The following FBXW8 variants were observed in gnomAD, a reference collection of about 807,000 sequenced individuals.
FBXW8 encodes F-box and WD repeat domain containing 8.
A neutral mutation model predicts 65.3 loss-of-function variants in FBXW8; 57 were observed. The observed-to-expected ratio is 0.87, with a 90% CI of 0.71 to 1.09. The LOEUF is 1.09. FBXW8 is among the 50% of genes least tolerant of loss of function. The probability of loss-of-function intolerance (pLI) is 0.00; values close to 1 mark genes in which losing one functional copy is unlikely to be tolerated. For synonymous variants in FBXW8, 308 were observed against 330.2 expected (o/e 0.93, Z 0.73); for missense variants, 777 against 814.8 (o/e 0.95, Z 0.57).
intron 2 of FBXW8, among the ~76,000 whole-genome samples, chr12:116,933,637 T>C (rs888769476): frequency 6.6e-6 from 1 of 152,238 alleles, no homozygotes; most frequent in South Asian, 2.1e-4. Context: ...TATATAAGAA[T>C]AGAAAATATT....
intron 4 of FBXW8, among the ~76,000 whole-genome samples, chr12:116,959,254 C>T (rs1000358542): frequency 6.6e-6 from 1 of 152,178 alleles, no homozygotes; most frequent in Non-Finnish European, 1.5e-5. Context: ...GGGGCTGTGT[C>T]CTGCAAACCT....
chr12:116,949,571 G>T (rs748455020), intron 3 of FBXW8, 47 bp from the exon 4 acceptor site: 1 of 1,561,532 alleles, frequency 6.4e-7, no homozygotes, highest in South Asian at 1.1e-5. Flanking sequence ...TGGCTTTCGG[G>T]CTGTCCCGAG....
chr12:116,985,279 G>A lies in FBXW8; in HGVS notation c.909G>A (p.Gln303=). 2 of 1,614,198 alleles carry A rather than the reference G, an allele frequency of 1.2e-6. No homozygotes were observed. The highest frequency in any genetic ancestry group is 1.7e-6 in the Non-Finnish European group (2 of 1,180,040). ...VHRFEHDARI[Q]ALALSQDDAT... ...GTTTTGAGCACGATGCAAGAATACAGGCACTAGCCCTCAGCCAGGACGATG... is the reference window on the plus strand; with the variant it reads ...GTTTTGAGCACGATGCAAGAATACAAGCACTAGCCCTCAGCCAGGACGATG... The change falls in exon 6 of 11, where the codon CAG becomes CAA. Residue 303 remains glutamine, a synonymous_variant. Coordinates refer to ENST00000652555, the MANE Select transcript of FBXW8 (RefSeq NM_153348.3).
chr12:116,973,898 A>C (rs79018436), intron 5 of FBXW8, among the ~76,000 whole-genome samples: 2,301 of 152,366 alleles, frequency 0.015, 53 homozygotes, highest in African/African-American at 0.046. Flanking sequence ...TTTTTGAGAA[A>C]GATGAAGTAA....
intron 2 of FBXW8, among the ~76,000 whole-genome samples, chr12:116,929,954 T>C (rs1555216908): frequency 6.6e-6 from 1 of 152,232 alleles, no homozygotes; most frequent in Non-Finnish European, 1.5e-5. Context: ...TGTGGCTGGC[T>C]TATTTCACTT....
At chr12:117,007,704 A>G (rs1473061236) in intron 7 of FBXW8, among the ~76,000 whole-genome samples, 1 of 152,198 alleles carries the variant, frequency 6.6e-6, no homozygotes, top group African/African-American at 2.4e-5. Context: ...AAAGAGAAAA[A>G]TTAGTCTAAT....
intron 8 of FBXW8, among the ~76,000 whole-genome samples, chr12:117,021,699 G>A (rs1347672141): frequency 1.3e-5 from 2 of 152,106 alleles, no homozygotes; most frequent in African/African-American, 2.4e-5. Context: ...TGAATTCTCT[G>A]GGACTGTCCC....
At chr12:116,982,623 ATT>A (rs11288865) in intron 5 of FBXW8, among the ~76,000 whole-genome samples, 3,514 of 143,372 alleles carry the variant, frequency 0.025, 48 homozygotes, top group Middle Eastern at 0.037. Context: ...GGAGCCCTGG[ATT>A]TTTTTTTTTT....
At chr12:117,023,340 G>A (rs186061928) in intron 8 of FBXW8, among the ~76,000 whole-genome samples, 2 of 151,928 alleles carry the variant, frequency 1.3e-5, no homozygotes, top group Admixed American at 6.6e-5. Context: ...TTTCCTTTTC[G>A]ACTTGCATCA....
At chr12:117,015,380 C>T (rs377224577) in intron 8 of FBXW8, among the ~76,000 whole-genome samples, 5 of 152,062 alleles carry the variant, frequency 3.3e-5, no homozygotes, top group Non-Finnish European at 5.9e-5. Flanking sequence ...GGGCTTACTC[C>T]GTTCTGGCCA....
intron 4 of FBXW8, among the ~76,000 whole-genome samples, chr12:116,963,216 G>T (rs1592895097): frequency 6.6e-6 from 1 of 152,160 alleles, no homozygotes; most frequent in East Asian, 1.9e-4. Flanking sequence ...AATGGCCTTT[G>T]GACTGTGCAA....
chr12:116,950,942 A>G (rs1883234095), intron 4 of FBXW8: 1 of 152,218 alleles, frequency 6.6e-6, no homozygotes, highest in Admixed American at 6.5e-5. Flanking sequence ...GTGTCAGAAG[A>G]CACTTGAGGA....
intron 7 of FBXW8, among the ~76,000 whole-genome samples, chr12:116,999,969 G>A (rs1272693606): frequency 6.6e-6 from 1 of 151,282 alleles, no homozygotes; most frequent in Non-Finnish European, 1.5e-5. Context: ...CAGAACACAG[G>A]GTCTGCATCT....
Position 117,000,518 on chromosome 12 carries a change from C to T in FBXW8, c.1240-9805C>T, listed in dbSNP as rs181126589. 9.8e-5 allele frequency among the ~76,000 whole-genome samples: 15 copies of T among 152,348 alleles called. No individual in the cohort carries two copies. In the East Asian group the frequency reaches 2.5e-3, roughly 25 times the overall value. On this transcript the variant is annotated intron_variant, in intron 7 of 10. Coordinates refer to ENST00000652555, the MANE Select transcript of FBXW8 (RefSeq NM_153348.3). ...GCACTGGCCCCACCCCCGGAGCTTCCGACTCAGTGGGTCGAGGGTGGGGCC... is the reference window on the plus strand; with the variant it reads ...GCACTGGCCCCACCCCCGGAGCTTCTGACTCAGTGGGTCGAGGGTGGGGCC...
At chr12:117,023,825 T>TACTGCTGGGACAGGCGTCTCAGGC in intron 8 of FBXW8, among the ~76,000 whole-genome samples, 1 of 152,378 alleles carries the variant, frequency 6.6e-6, no homozygotes, top group East Asian at 1.9e-4. Flanking sequence ...GCAGTACACC[T>TACTGCTGGGACAGGCGTCTCAGGC]ACTGCTGGGA....
At chr12:117,000,676 T>C (rs774889886) in intron 7 of FBXW8, among the ~76,000 whole-genome samples, 5 of 152,178 alleles carry the variant, frequency 3.3e-5, no homozygotes, top group African/African-American at 1.2e-4. Flanking sequence ...TGAATCCTGG[T>C]GCCAAAACTT....
intron 7 of FBXW8, among the ~76,000 whole-genome samples, chr12:116,989,203 A>G (rs1953177123): frequency 6.6e-6 from 1 of 152,188 alleles, no homozygotes; most frequent in South Asian, 2.1e-4. Flanking sequence ...TCTGTACCCA[A>G]CATTTTTACT....
At chr12:117,022,436 C>T (rs1182244830) in intron 8 of FBXW8, among the ~76,000 whole-genome samples, 9 of 151,376 alleles carry the variant, frequency 5.9e-5, no homozygotes, top group Admixed American at 5.9e-4. Context: ...GGGTAGATCC[C>T]TTGGCCCAGG....
At chr12:116,975,131 G>A (rs914220831) in intron 5 of FBXW8, among the ~76,000 whole-genome samples, 2 of 152,178 alleles carry the variant, frequency 1.3e-5, no homozygotes, top group Non-Finnish European at 2.9e-5. Context: ...TGCTGTATGG[G>A]AAAGGATGAT....
Sources: gnomAD v4.1 joint callset for allele counts (sites outside exome capture counted in the v4.1 genomes callset) on GRCh38, gnomAD v4.1.1 for gene constraint, MANE v1.5 for transcripts, NCBI Gene and HGNC (gene_info 2026-07-23, HGNC 2026-07-21) for gene names.